The following NOXA1 variants were observed in gnomAD, a reference collection of about 807,000 sequenced individuals.
NOXA1 encodes NADPH oxidase activator 1.
Under a neutral mutation model 64.8 loss-of-function variants are expected in NOXA1, and 56 were observed. That is an observed-to-expected ratio of 0.86 (90% CI 0.70 to 1.08). The LOEUF is 1.08. Among genes scored for constraint, NOXA1 ranks in the 50% least tolerant of loss-of-function variants. The pLI, the probability that NOXA1 is intolerant of heterozygous loss-of-function variation, is 0.00. For missense variants in NOXA1, 668 were observed against 658.5 expected, an observed-to-expected ratio of 1.01 and a Z score of -0.16; for synonymous variants, 295 against 294.8, an observed-to-expected ratio of 1.00 and a Z score of -0.01.
At position 137,431,751 on chromosome 9, in the gene NOXA1, G is replaced by A. The variant is rs376338355; in HGVS notation, c.804+410G>A. Among the ~76,000 whole-genome samples, 10 of 152,254 alleles carry A rather than the reference G, an allele frequency of 6.6e-5. No individual in the cohort carries two copies. The highest frequency in any genetic ancestry group is 2.0e-4 in the Admixed American group (3 of 15,304). On this transcript the variant is annotated intron_variant, in intron 8 of 13. Transcript: ENST00000683555. The surrounding 1 kb of genome is among the most constrained non-coding windows in gnomAD (Gnocchi z 5.6). The stretch of plus-strand genomic sequence containing the variant: ...CCGCCCCCCATGGGGGCCCAGCAGC[G>A]ACTCCATCCCCCGAGTCCTCCCGGA...
Position 137,434,053 on chromosome 9 carries a change from G to T in NOXA1, c.1268G>T (p.Gly423Val). 1.3e-6 allele frequency: 2 copies of T among 1,578,792 alleles called. No homozygotes were observed. The highest frequency in any genetic ancestry group is 2.3e-5 in the South Asian group (2 of 88,440). ...CCAGAGGACCTGGGCTTCCGACAGG[G>T]GGACACGGTGGACGTCCTGTGTGAA... The part of the protein sequence containing the change: ...QGPEDLGFRQ[G>V]DTVDVLCEVD... The change falls in exon 13 of 14, where the codon GGG (glycine) becomes GTG (valine). Residue 423 changes from glycine to valine, a missense_variant. Physicochemically the swap from Gly to Val is moderately radical, Grantham distance 109 (BLOSUM62 -3). Coordinates refer to ENST00000683555, the MANE Select transcript of NOXA1 (RefSeq NM_001256067.2).
At chr9:137,430,016 G>A (rs1485204097) in intron 5 of NOXA1, among the ~76,000 whole-genome samples, 20 of 104,938 alleles carry the variant, frequency 1.9e-4, no homozygotes, top group Non-Finnish European at 3.5e-4. Context: ...GCGAGGTCCC[G>A]GGGGGGGTGC....
At chr9:137,433,102 C>G (rs749527806) in intron 9 of NOXA1, 28 bp downstream of exon 9, 1 of 1,612,510 alleles carries the variant, frequency 6.2e-7, no homozygotes, top group South Asian at 1.1e-5. Flanking sequence ...GGCGGGGTCC[C>G]CGGGTGAAGG....
intron 1 of NOXA1, 141 bp from the exon 2 acceptor site, chr9:137,426,107 C>A (rs2131873374): frequency 1.4e-6 from 1 of 739,864 alleles, no homozygotes; most frequent in Non-Finnish European, 2.3e-6. Context: ...TCCGAAGGTT[C>A]CTGGACAGGA....
intron 4 of NOXA1, 54 bp from the exon 5 acceptor site, chr9:137,429,222 T>C: frequency 7.1e-7 from 1 of 1,405,226 alleles, no homozygotes; most frequent in South Asian, 1.4e-5. Flanking sequence ...GCTCTGCGGC[T>C]GCAGGCCTGG....
chr9:137,433,467 G>A lies in NOXA1; in HGVS notation c.924G>A (p.Gly308=), dbSNP rs773306122. ...DPAGAGGAGA[G]GSEPLVTVTV... ...CCTGGACCCAGGGAGCAGGTGCAGG[G>A]GGCTCCGAGCCCCTGGTGACTGTCA... Residue 308 remains glycine (G), a synonymous_variant, in exon 11 of 14, where the codon GGG becomes GGA. Transcript: ENST00000683555. The A allele has an allele frequency of 1.9e-6, 3 of 1,601,782 alleles. No individual in the cohort carries two copies. Among genetic ancestry groups the A allele is most frequent in the East Asian group, 2.2e-5 (1 of 44,754 alleles).
chr9:137,433,323 A>G, intron 10 of NOXA1, 60 bp downstream of exon 10: 1 of 1,497,016 alleles, frequency 6.7e-7, no homozygotes, highest in East Asian at 2.4e-5. Flanking sequence ...GCCAAGCCCC[A>G]TCCCTCAGAA....
rs973901865 is a variant in NOXA1 at position 137,433,545 on chromosome 9, G to C, written c.1002G>C (p.Leu334=). Residue 334 remains leucine, a synonymous_variant, in exon 11 of 14, where the codon CTG becomes CTC. Coordinates refer to ENST00000683555, the MANE Select transcript of NOXA1 (RefSeq NM_001256067.2). ...TGAGGGCACGAAGAGGAGCCGACCT[G>C]TCCAGCCTGCGGGCACTGCTGGGCC... ...VALRARRGAD[L]SSLRALLGQA... 1 of 1,581,996 alleles carries C rather than the reference G, an allele frequency of 6.3e-7. No homozygotes were observed. The highest frequency in any genetic ancestry group is 1.8e-5 in the Admixed American group (1 of 55,342).
At chr9:137,428,252 G>A (rs555861093) in intron 3 of NOXA1, 111 bp downstream of exon 3, 1 of 755,978 alleles carries the variant, frequency 1.3e-6, no homozygotes, top group Admixed American at 2.4e-5. Flanking sequence ...GAAGCTCTTG[G>A]TGCCATGGAA....
intron 3 of NOXA1, among the ~76,000 whole-genome samples, chr9:137,428,391 T>C (rs930008663): frequency 5.9e-5 from 9 of 151,874 alleles, no homozygotes; most frequent in African/African-American, 2.2e-4. Flanking sequence ...GGCTGCTGGG[T>C]GGGCAGGGAG....
intron 8 of NOXA1, 65 bp from the exon 9 acceptor site, chr9:137,432,964 C>T (rs887188089): frequency 2.9e-5 from 45 of 1,564,994 alleles, no homozygotes; most frequent in Admixed American, 2.5e-4. Context: ...GTGGGCTCTG[C>T]GAGGACAGTA....
At chr9:137,430,963 T>A in intron 6 of NOXA1, 112 bp from the exon 7 acceptor site, 4 of 1,567,636 alleles carry the variant, frequency 2.6e-6, no homozygotes, top group Non-Finnish European at 3.5e-6. Context: ...AGGTGTGGGG[T>A]GGCCATCCCA....
intron 8 of NOXA1, among the ~76,000 whole-genome samples, chr9:137,432,350 C>A (rs1248692304): frequency 1.3e-5 from 2 of 151,178 alleles, no homozygotes; most frequent in African/African-American, 2.4e-5. Context: ...GAGGCCTAGG[C>A]AGGCGGATCA....
At chr9:137,430,419 G>C (rs1333825306) in intron 5 of NOXA1, among the ~76,000 whole-genome samples, 6 of 152,196 alleles carry the variant, frequency 3.9e-5, no homozygotes, top group Admixed American at 2.0e-4. Flanking sequence ...GGTCACCTGC[G>C]CTGCGCCACG....
intron 5 of NOXA1, 131 bp downstream of exon 5, chr9:137,429,514 A>G: frequency 1.5e-6 from 1 of 659,218 alleles, no homozygotes; most frequent in Non-Finnish European, 2.5e-6. Context: ...GCCCACAGCC[A>G]TCCTCAAACT....
At chr9:137,428,705 G>C (rs1838949724) in intron 3 of NOXA1, among the ~76,000 whole-genome samples, 177 bp from the exon 4 acceptor site, 1 of 134,416 alleles carries the variant, frequency 7.4e-6, no homozygotes, top group South Asian at 2.7e-4. Flanking sequence ...GGAGACGGGG[G>C]AGAAGCCAGG....
intron 1 of NOXA1, among the ~76,000 whole-genome samples, chr9:137,424,538 C>T (rs1838756633): frequency 6.6e-6 from 1 of 152,204 alleles, no homozygotes; most frequent in Non-Finnish European, 1.5e-5. Flanking sequence ...CTCCCGGGTT[C>T]AAGCAATTCT....
Position 137,429,324 on chromosome 9 carries a change from C to A in NOXA1, c.553C>A (p.Arg185=). Residue 185 remains arginine (R), a synonymous_variant, in exon 5 of 14, where the codon CGG becomes AGG. Transcript: ENST00000683555. The part of the protein sequence containing the change: ...PRQVPRGEVF[R]PHRWHLKHLE... ...GCAGGTCCCCAGGGGCGAGGTCTTC[C>A]GGCCCCACCGGTGGCACCTGAAGCA... 6.3e-7 allele frequency: 1 copy of A among 1,580,970 alleles called. No homozygotes were observed. The highest frequency in any genetic ancestry group is 8.6e-7 in the Non-Finnish European group (1 of 1,164,940).
At chr9:137,430,717 G>A (rs1432127231) in intron 5 of NOXA1, 67 bp from the exon 6 acceptor site, 10 of 1,402,440 alleles carry the variant, frequency 7.1e-6, no homozygotes, top group Middle Eastern at 2.4e-4. Context: ...ACGGTGGGGC[G>A]GGCTGCAGGG....
Sources: gnomAD v4.1 joint callset for allele counts (sites outside exome capture counted in the v4.1 genomes callset) on GRCh38, gnomAD v4.1.1 for gene constraint, Gnocchi (gnomAD v3.1) non-coding constraint, MANE v1.5 for transcripts, NCBI Gene and HGNC (gene_info 2026-07-23, HGNC 2026-07-21) for gene names.